DRC8: variants seen among roughly 807,000 people sequenced by gnomAD.
DRC8 encodes dynein regulatory complex subunit 8, also known as dynein regulatory complex protein 8.
At chr1:244,980,135 C>G in the DRC8 span, among the ~76,000 whole-genome samples, 1 of 140,634 alleles carries the variant, frequency 7.1e-6, no homozygotes, top group African/African-American at 2.6e-5. Context: ...AGGACAATGG[C>G]GTGGACCCAG....
chr1:245,014,969 TA>T, the DRC8 span, among the ~76,000 whole-genome samples: 2 of 152,184 alleles, frequency 1.3e-5, no homozygotes, highest in Non-Finnish European at 2.9e-5. Context: ...GTAGTTATGT[TA>T]GGGGGAAGAG....
chr1:245,048,023 A>G, the DRC8 span, among the ~76,000 whole-genome samples: 1 of 151,490 alleles, frequency 6.6e-6, no homozygotes, highest in Non-Finnish European at 1.5e-5. Flanking sequence ...CTCCTCCTTA[A>G]GAGGAGGTGG....
At chr1:244,992,182 T>C in the DRC8 span, among the ~76,000 whole-genome samples, 13 of 152,340 alleles carry the variant, frequency 8.5e-5, no homozygotes, top group East Asian at 2.5e-3. Flanking sequence ...AATGGCAAAG[T>C]ATGAGAAGAC....
At chr1:245,018,228 A>C in the DRC8 span, among the ~76,000 whole-genome samples, 1 of 119,302 alleles carries the variant, frequency 8.4e-6, no homozygotes, top group South Asian at 2.7e-4. Flanking sequence ...CTCTGTCTCA[A>C]AAAAAAAAAA....
the DRC8 span, among the ~76,000 whole-genome samples, chr1:245,020,062 GC>G: frequency 0.15 from 22,084 of 151,996 alleles, 2,382 homozygotes; most frequent in African/African-American, 0.3. Flanking sequence ...GACGCCCCCC[GC>G]CCCCAGGCAC....
the DRC8 span, among the ~76,000 whole-genome samples, chr1:245,024,127 G>A: frequency 6.6e-6 from 1 of 151,938 alleles, no homozygotes; most frequent in Non-Finnish European, 1.5e-5. Flanking sequence ...CCGAGATTGT[G>A]CCACTGCACT....
chr1:245,010,738 G>A, the DRC8 span, among the ~76,000 whole-genome samples: 3 of 145,892 alleles, frequency 2.1e-5, no homozygotes, highest in Admixed American at 7.0e-5. Flanking sequence ...CTGGAGTGCA[G>A]TGGTGCGATC....
At chr1:245,036,431 G>A in the DRC8 span, among the ~76,000 whole-genome samples, 4 of 152,306 alleles carry the variant, frequency 2.6e-5, no homozygotes, top group South Asian at 4.1e-4. Flanking sequence ...AAACAGTTTA[G>A]TAGTTCTTGG....
the DRC8 span, among the ~76,000 whole-genome samples, chr1:245,001,710 A>C: frequency 9.2e-5 from 14 of 152,230 alleles, no homozygotes; most frequent in Non-Finnish European, 1.9e-4. Context: ...CAACAGTGTG[A>C]AGGATGAAGT....
the DRC8 span, among the ~76,000 whole-genome samples, chr1:244,991,382 G>C: frequency 3.3e-5 from 5 of 152,036 alleles, no homozygotes; most frequent in African/African-American, 1.2e-4. Context: ...GGTTTTTGTG[G>C]GGGTTCCATT....
chr1:245,082,309 C>T, the DRC8 span: 1 of 641,586 alleles, frequency 1.6e-6, no homozygotes, highest in Non-Finnish European at 2.7e-6. Flanking sequence ...CAAGCTACTT[C>T]TGAACTGGCA....
the DRC8 span, among the ~76,000 whole-genome samples, chr1:245,000,208 T>C: frequency 2.6e-5 from 4 of 152,210 alleles, no homozygotes; most frequent in Non-Finnish European, 5.9e-5. Flanking sequence ...TATACTGTAA[T>C]AAAAGTTATG....
At chr1:245,071,816 A>G in the DRC8 span, among the ~76,000 whole-genome samples, 1 of 152,260 alleles carries the variant, frequency 6.6e-6, no homozygotes, top group African/African-American at 2.4e-5. Flanking sequence ...CTGAGTGTCC[A>G]TTAACACAAA....
chr1:245,015,778 C>T, the DRC8 span: 4 of 252,820 alleles, frequency 1.6e-5, no homozygotes, highest in South Asian at 1.6e-4. Context: ...TTCACTGCTA[C>T]CATTCTGGCC....
the DRC8 span, among the ~76,000 whole-genome samples, chr1:245,037,394 A>T: frequency 0.022 from 3,419 of 152,322 alleles, 137 homozygotes; most frequent in African/African-American, 0.077. Flanking sequence ...TCATAGGATC[A>T]TCTCTATAGA....
chr1:245,103,107 G>A, the DRC8 span, among the ~76,000 whole-genome samples: 2 of 147,650 alleles, frequency 1.4e-5, no homozygotes, highest in Admixed American at 1.3e-4. Context: ...GGTCAGGAGG[G>A]AGACCAGAGA....
chr1:245,089,161 G>A, the DRC8 span, among the ~76,000 whole-genome samples: 9 of 152,076 alleles, frequency 5.9e-5, no homozygotes, highest in African/African-American at 1.9e-4. The surrounding 1 kb of genome is among the most constrained non-coding windows in gnomAD (Gnocchi z 4.8). Context: ...TCGGACGATG[G>A]GTAAAAGTGC....
At chr1:245,122,162 C>T in the DRC8 span, 7,248 of 235,002 alleles carry the variant, frequency 0.031, 177 homozygotes, top group East Asian at 0.07. Flanking sequence ...CTCAGCCTCC[C>T]AAAGTTCTGG....
the DRC8 span, among the ~76,000 whole-genome samples, chr1:245,109,258 AG>A: frequency 3.3e-5 from 5 of 152,182 alleles, no homozygotes; most frequent in Non-Finnish European, 7.4e-5. Flanking sequence ...ACTTGGAGGC[AG>A]GGGGCTCATG....
Sources: allele counts gnomAD v4.1 joint callset (sites outside exome capture counted in the v4.1 genomes callset), GRCh38; gene constraint gnomAD v4.1.1; non-coding constraint Gnocchi (gnomAD v3.1); transcripts MANE v1.5; gene names NCBI Gene and HGNC (gene_info 2026-07-23, HGNC 2026-07-21).